The following MYOF variants were observed in gnomAD, a reference collection of about 807,000 sequenced individuals.
MYOF encodes the protein myoferlin.
Under a neutral mutation model 284.2 loss-of-function variants are expected in MYOF, and 244 were observed. That is an observed-to-expected ratio of 0.86 (90% confidence interval 0.77 to 0.95). MYOF has a LOEUF of 0.95. Ranked by LOEUF, MYOF falls within the 40% of genes least tolerant of loss-of-function variation. MYOF has a pLI of 0.00. For missense variants in MYOF, 2,496 were observed against 2,560.6 expected (o/e 0.97, Z 0.54); for synonymous variants, 904 against 919.7 (o/e 0.98, Z 0.31).
intron 5 of MYOF, among the ~76,000 whole-genome samples, chr10:93,410,172 A>G (rs1325665128): frequency 6.6e-6 from 1 of 152,130 alleles, no homozygotes; most frequent in Non-Finnish European, 1.5e-5. Flanking sequence ...CTCGTGATCT[A>G]TTTGTACTGT....
chr10:93,386,557 G>A (rs955373411), intron 19 of MYOF, among the ~76,000 whole-genome samples: 2 of 152,192 alleles, frequency 1.3e-5, no homozygotes, highest in Admixed American at 6.5e-5. Flanking sequence ...GGGGTGGAGA[G>A]AGGGCAGTCT....
At chr10:93,441,896 C>T (rs1020295070) in intron 3 of MYOF, among the ~76,000 whole-genome samples, 1 of 151,698 alleles carries the variant, frequency 6.6e-6, no homozygotes, top group Non-Finnish European at 1.5e-5. Flanking sequence ...TAAGCTAGGT[C>T]TTTTCCTTTT....
At chr10:93,433,049 A>G (rs1848943631) in intron 3 of MYOF, among the ~76,000 whole-genome samples, 1 of 152,242 alleles carries the variant, frequency 6.6e-6, no homozygotes. Flanking sequence ...GAGAGTAGGT[A>G]AAGCGAGGAA....
At chr10:93,307,867 C>T (rs1248827513) in intron 53 of MYOF, among the ~76,000 whole-genome samples, 3 of 150,582 alleles carry the variant, frequency 2.0e-5, no homozygotes, top group Admixed American at 6.6e-5. Flanking sequence ...TCAGGTGATC[C>T]GCCCGCCTCA....
At chr10:93,311,699 C>T (rs1370584205) in intron 51 of MYOF, among the ~76,000 whole-genome samples, 1 of 152,124 alleles carries the variant, frequency 6.6e-6, no homozygotes, top group Non-Finnish European at 1.5e-5. Flanking sequence ...GCAGCAAGGT[C>T]ACCAACAATT....
rs955402113 is a variant in MYOF, at chr10:93,402,246, C to T, written c.976G>A (p.Gly326Arg). The T allele has an allele frequency of 8.1e-6, 13 of 1,613,932 alleles. No individual in the cohort carries two copies. Among genetic ancestry groups the T allele is most frequent in the Middle Eastern group, 1.7e-4 (1 of 6,060 alleles). The change falls in exon 11 of 54, where the codon GGA becomes AGA. Residue 326 changes from glycine (G) to arginine (R), a missense_variant. Around this residue, in one of 3 missense-constraint regions of MYOF, gnomAD observed 2,436 missense variants for 2,480.7 expected, o/e 0.98. Coordinates refer to ENST00000359263, the MANE Select transcript of MYOF (RefSeq NM_013451.4). ...TAGGGACTCACAGGAGGCTCATCTC[C>T]GGTTCCCAGGACAAACATGCTGACT... Reference protein sequence around the residue: ...MKVSMFVLGTGDEPPPERRDR... With the variant: ...MKVSMFVLGTRDEPPPERRDR...
At chr10:93,372,474 A>C (rs969723871) in intron 24 of MYOF, among the ~76,000 whole-genome samples, 2 of 152,146 alleles carry the variant, frequency 1.3e-5, no homozygotes, top group African/African-American at 4.8e-5. Context: ...CTCTTCCCTA[A>C]AGTTACGATT....
rs1224670417 is a variant in MYOF, at chr10:93,359,953, A to G, written c.3000T>C (p.Pro1000=). The part of the protein sequence containing the change: ...EKGWEYGITI[P]PDHKPKSWVA... ...CCCAGGATTTGGGCTTATGATCAGG[A>G]GGAATGGTGATTCCATATTCCCAGC... The change falls in exon 29 of 54, where the codon CCT becomes CCC. Residue 1000 remains proline (P), a synonymous_variant. Transcript: ENST00000359263. The G allele has an allele frequency of 6.2e-7, 1 of 1,614,198 alleles. No homozygotes were observed. Among genetic ancestry groups the G allele is most frequent in the Non-Finnish European group, 8.5e-7 (1 of 1,180,028 alleles).
rs2181656 is a variant in MYOF at position 93,329,549 on chromosome 10, G to A, written c.4982+115C>T. On this transcript the variant is annotated intron_variant, in intron 44 of 53. Coordinates refer to ENST00000359263, the MANE Select transcript of MYOF (RefSeq NM_013451.4). ...AATCCTGCGATTGAAATCCATACCT[G>A]AGTGATAGGAGCAGTGGCTCAGTGA... 2.9e-6 allele frequency: 3 copies of A among 1,040,766 alleles called. No homozygotes were observed. In the African/African-American group the frequency reaches 6.2e-5, roughly 22 times the overall value. The allele number at this position is 1,040,766 out of a possible 1,614,324, so 64.5% of individuals were successfully genotyped here.
chr10:93,310,547 G>T lies in MYOF; in HGVS notation c.5986C>A (p.Leu1996Met). 1 of 1,614,140 alleles carries T rather than the reference G, an allele frequency of 6.2e-7. No individual in the cohort carries two copies. ...AAGGCCTCTCACTTTGGTAAGTCCA[G>T]CTTGGGGTTCATGTTGGGTTCGTCC... ...GRDEPNMNPKLDLPNRPETSF... is the reference protein window; with the variant it reads ...GRDEPNMNPKMDLPNRPETSF... Residue 1996 changes from leucine (L) to methionine (M), a missense_variant, in exon 52 of 54, where the codon CTG (leucine) becomes ATG (methionine). Leu to Met is a conservative substitution (Grantham distance 15, BLOSUM62 2). Around this residue, in one of 3 missense-constraint regions of MYOF, gnomAD observed 2,436 missense variants for 2,480.7 expected, o/e 0.98. Coordinates refer to ENST00000359263, the MANE Select transcript of MYOF (RefSeq NM_013451.4).
intron 45 of MYOF, among the ~76,000 whole-genome samples, chr10:93,326,719 G>A (rs548554461): frequency 6.6e-6 from 1 of 152,096 alleles, no homozygotes. Context: ...CTGCCTCCTG[G>A]GTTCAAGCGA....
At chr10:93,418,932 T>C (rs1357617167) in intron 5 of MYOF, among the ~76,000 whole-genome samples, 1 of 152,196 alleles carries the variant, frequency 6.6e-6, no homozygotes, top group Non-Finnish European at 1.5e-5. Context: ...CTGGAAACAG[T>C]GCCTGCAACA....
intron 16 of MYOF, 91 bp downstream of exon 16, chr10:93,396,051 T>A: frequency 1.0e-6 from 1 of 958,936 alleles, no homozygotes; most frequent in South Asian, 1.6e-5. Context: ...AAACCAAACC[T>A]ACTGTGAGGT....
chr10:93,363,127 A>G (rs527286716), intron 27 of MYOF, among the ~76,000 whole-genome samples: 2 of 152,228 alleles, frequency 1.3e-5, no homozygotes, highest in Admixed American at 1.3e-4. Context: ...ATAGATCTAT[A>G]TGCATTGACA....
chr10:93,482,239 A>C lies in MYOF; in HGVS notation c.-45T>G. On this transcript the variant is annotated 5_prime_UTR_variant, in exon 1 of 54. Coordinates refer to ENST00000359263, the MANE Select transcript of MYOF (RefSeq NM_013451.4). ...GCAAGTTTCAGCAAACGAAGTGGAG[A>C]CTAGGGCGCTGGAGCTCCGGGTCGC... 6.4e-7 allele frequency: 1 copy of C among 1,553,514 alleles called. No homozygotes were observed. Among genetic ancestry groups the C allele is most frequent in the South Asian group, 1.1e-5 (1 of 88,310 alleles).
intron 4 of MYOF, among the ~76,000 whole-genome samples, chr10:93,431,068 A>T (rs1462323780): frequency 3.1e-5 from 4 of 127,824 alleles, no homozygotes; most frequent in Middle Eastern, 4.8e-3. Context: ...CTCTCTTGTC[A>T]CCCAGGCTGG....
At chr10:93,433,758 T>G (rs972646945) in intron 3 of MYOF, among the ~76,000 whole-genome samples, 1 of 152,230 alleles carries the variant, frequency 6.6e-6, no homozygotes, top group Non-Finnish European at 1.5e-5. Context: ...GTAAAAGTTG[T>G]TTCTCAGAGG....
chr10:93,387,922 C>A lies in MYOF; in HGVS notation c.1582-9G>T, dbSNP rs755899648. 6.2e-7 allele frequency: 1 copy of A among 1,604,314 alleles called. No homozygotes were observed. On this transcript the variant is annotated splice_polypyrimidine_tract_variant and intron_variant, in intron 18 of 53. Coordinates refer to ENST00000359263, the MANE Select transcript of MYOF (RefSeq NM_013451.4). ...TAGGCAACTCCTTCCCCCTGAAAGG[C>A]AATAATCCAGGATTATTCCTCTAGG...
At chr10:93,385,894 C>T (rs1320264912) in intron 19 of MYOF, among the ~76,000 whole-genome samples, 2 of 150,624 alleles carry the variant, frequency 1.3e-5, no homozygotes, top group Non-Finnish European at 2.9e-5. Context: ...GCTTCTTTGC[C>T]TGTATGTGTT....
Sources: allele counts gnomAD v4.1 joint callset (sites outside exome capture counted in the v4.1 genomes callset), GRCh38; gene constraint gnomAD v4.1.1; regional missense constraint gnomAD v4.1.1; transcripts MANE v1.5; gene names NCBI Gene and HGNC (gene_info 2026-07-23, HGNC 2026-07-21).